The following NWD1 variants were observed in gnomAD, a reference collection of about 807,000 sequenced individuals.
NWD1 encodes NACHT and WD repeat domain containing 1, also known as NACHT domain- and WD repeat-containing protein 1.
In NWD1, 129 loss-of-function variants were observed where a neutral mutation model predicts 135.1. That is an observed-to-expected ratio of 0.96 (90% CI 0.83 to 1.11). NWD1 has a LOEUF of 1.11. Among genes scored for constraint, NWD1 ranks in the 50% least tolerant of loss-of-function variants. The probability of loss-of-function intolerance (pLI) is 0.00; values close to 1 mark genes in which losing one functional copy is unlikely to be tolerated. For missense variants in NWD1, 1,740 were observed against 1,851.3 expected, an observed-to-expected ratio of 0.94 and a Z score of 1.10; for synonymous variants, 773 against 786.0, an observed-to-expected ratio of 0.98 and a Z score of 0.28.
chr19:16,750,050 T>G lies in NWD1; in HGVS notation c.1408T>G (p.Ser470Ala), dbSNP rs1415552035. Residue 470 changes from serine to alanine, a missense_variant, in exon 6 of 19, where the codon TCG (serine) becomes GCG (alanine). Physicochemically the swap from Ser to Ala is moderately conservative, Grantham distance 99. Transcript: ENST00000524140. ...GGTGCACCTCATCCTCTCAGCTTGC[T>G]CGGGGGCACTGGGGGTTTTGGACAC... ...PRVHLILSAC[S>A]GALGVLDTLQ... 6.2e-7 allele frequency: 1 copy of G among 1,613,774 alleles called. No homozygotes were observed. Among genetic ancestry groups the G allele is most frequent in the Non-Finnish European group, 8.5e-7 (1 of 1,179,978 alleles).
intron 14 of NWD1, among the ~76,000 whole-genome samples, chr19:16,793,949 T>G (rs1970335573): frequency 1.3e-5 from 2 of 152,180 alleles, no homozygotes; most frequent in Admixed American, 1.3e-4. Flanking sequence ...TGCAATGCAG[T>G]GGCACAATCA....
chr19:16,724,682 C>A (rs2122663347), intron 2 of NWD1, among the ~76,000 whole-genome samples: 2 of 152,186 alleles, frequency 1.3e-5, no homozygotes, highest in African/African-American at 4.8e-5. Context: ...CAGTGAGACC[C>A]CATTTCTACA....
At chr19:16,741,535 A>C (rs988681727) in intron 4 of NWD1, among the ~76,000 whole-genome samples, 2 of 150,922 alleles carry the variant, frequency 1.3e-5, no homozygotes, top group Non-Finnish European at 1.5e-5. Context: ...CCGGCTAATT[A>C]TTTTTATATT....
At position 16,759,273 on chromosome 19, in the gene NWD1, C is replaced by T; in HGVS notation, c.1818C>T (p.Asp606=). Residue 606 remains aspartate, a synonymous_variant, in exon 7 of 19, where the codon GAC becomes GAT. Coordinates refer to ENST00000524140, the MANE Select transcript of NWD1 (RefSeq NM_001007525.5). The part of the protein sequence containing the change: ...AELKDVLSLD[D]EVLQDVYRDW... ...TGAAGGATGTTTTGTCCCTGGACGA[C>T]GAGGTCCTGCAGGATGTGTACCGAG... is the stretch of plus-strand genomic sequence containing the variant. 6.2e-7 allele frequency: 1 copy of T among 1,614,178 alleles called. No homozygotes were observed. Among genetic ancestry groups the T allele is most frequent in the African/African-American group, 1.3e-5 (1 of 75,056 alleles).
In NWD1 at chr19:16,765,058, G is replaced by A. The variant is rs368195388; in HGVS notation, c.2276G>A (p.Arg759Gln). The change falls in exon 10 of 19, where the codon CGG becomes CAG. Residue 759 changes from arginine to glutamine, a missense_variant. By Grantham distance (43) the Arg-to-Gln change is conservative. Transcript: ENST00000524140. Reference protein sequence around the residue: ...VLGSMSWISCRGISGGIEDLL... With the variant: ...VLGSMSWISCQGISGGIEDLL... ...GGCAGCATGAGCTGGATTTCCTGCC[G>A]GGGCATCTCTGGGGGCATTGAAGAC... 8.1e-6 allele frequency: 13 copies of A among 1,613,912 alleles called. No individual in the cohort carries two copies. Among genetic ancestry groups the A allele is most frequent in the East Asian group, 2.2e-5 (1 of 44,890 alleles).
At chr19:16,808,268 G>A in intron 18 of NWD1, 132 bp downstream of exon 18, 1 of 820,534 alleles carries the variant, frequency 1.2e-6, no homozygotes, top group Non-Finnish European at 1.9e-6. Context: ...TGAGGCACTT[G>A]GTCAGGCGCA....
Position 16,749,858 on chromosome 19 carries a change from G to C in NWD1, c.1216G>C (p.Val406Leu). ...AYGLPLPPAQ[V>L]LDAHTRVVQF... ...TGGGCTGCCCTTGCCCCCTGCCCAGGTTCTGGACGCCCACACCAGGGTGGT... is the reference window on the plus strand; with the variant it reads ...TGGGCTGCCCTTGCCCCCTGCCCAGCTTCTGGACGCCCACACCAGGGTGGT... The change falls in exon 6 of 19, where the codon GTT (valine) becomes CTT (leucine). Residue 406 changes from valine to leucine, a missense_variant. Physicochemically the swap from Val to Leu is conservative, Grantham distance 32. Coordinates refer to ENST00000524140, the MANE Select transcript of NWD1 (RefSeq NM_001007525.5). 2 of 1,613,180 alleles carry C rather than the reference G, an allele frequency of 1.2e-6. No individual in the cohort carries two copies. Among genetic ancestry groups the C allele is most frequent in the Non-Finnish European group, 1.7e-6 (2 of 1,179,834 alleles).
In NWD1 at chr19:16,779,473, T is replaced by G; in HGVS notation, c.2731+8T>G. 1 of 1,612,134 alleles carries G rather than the reference T, an allele frequency of 6.2e-7. No individual in the cohort carries two copies. Among genetic ancestry groups the G allele is most frequent in the Non-Finnish European group, 8.5e-7 (1 of 1,179,804 alleles). On this transcript the variant is annotated splice_region_variant and intron_variant, in intron 12 of 18. Coordinates refer to ENST00000524140, the MANE Select transcript of NWD1 (RefSeq NM_001007525.5). ...TGCTAACTGGACACACAGGTGAGAC[T>G]TGGGAAGTGGGCTTTGTGGTCAGCT...
intron 16 of NWD1, among the ~76,000 whole-genome samples, chr19:16,798,982 TA>T (rs1212280847): frequency 6.7e-6 from 1 of 149,718 alleles, no homozygotes; most frequent in Non-Finnish European, 1.5e-5. Flanking sequence ...CCAGACCCTC[TA>T]AAAAAGGTTT....
At chr19:16,758,801 A>T (rs1239129269) in intron 6 of NWD1, among the ~76,000 whole-genome samples, 1 of 151,992 alleles carries the variant, frequency 6.6e-6, no homozygotes, top group African/African-American at 2.4e-5. Flanking sequence ...CGAGGTCAGG[A>T]GTTGGAGACC....
At chr19:16,809,979 T>C (rs1221212948) in intron 18 of NWD1, among the ~76,000 whole-genome samples, 2 of 152,186 alleles carry the variant, frequency 1.3e-5, no homozygotes, top group African/African-American at 4.8e-5. Flanking sequence ...GGAGACTCTA[T>C]CCCATGTCTT....
chr19:16,813,981 G>C (rs1440526988), intron 18 of NWD1, among the ~76,000 whole-genome samples: 1 of 150,714 alleles, frequency 6.6e-6, no homozygotes, highest in Non-Finnish European at 1.5e-5. Context: ...GCGAGACTCT[G>C]TCTCTACAAA....
intron 12 of NWD1, among the ~76,000 whole-genome samples, chr19:16,788,176 G>A (rs2123037730): frequency 6.8e-6 from 1 of 147,246 alleles, no homozygotes; most frequent in African/African-American, 2.5e-5. Flanking sequence ...GTTGCAATAA[G>A]CCAGGGCCAC....
chr19:16,815,054 CATGCTGTGGTAA>C lies in NWD1; in HGVS notation c.*17_*28del, dbSNP rs778927554. 4 of 1,613,576 alleles carry C rather than the reference CATGCTGTGGTAA, an allele frequency of 2.5e-6. No individual in the cohort carries two copies. The South Asian group carries it at 4.4e-5, about 18-fold the overall frequency. ...CACCCTGCTGACAGTCCAGTTTGTC[CATGCTGTGGTAA>C]ACAGAATCATCCCAACCACCAGTGG... On this transcript the variant is annotated 3_prime_UTR_variant, in exon 19 of 19. Coordinates refer to ENST00000524140, the MANE Select transcript of NWD1 (RefSeq NM_001007525.5).
At chr19:16,727,021 A>G (rs2122675894) in intron 2 of NWD1, among the ~76,000 whole-genome samples, 1 of 147,800 alleles carries the variant, frequency 6.8e-6, no homozygotes, top group South Asian at 2.3e-4. Flanking sequence ...GAAGGGCAGA[A>G]TGGGGTGGGA....
rs138771230 is a variant in NWD1, at chr19:16,810,504, A to G, written c.4287+2368A>G. ...AAGTCTAGATTAGGCACAGCAACTC[A>G]TGCCTGTAATCCCAGCACTTTGGGA... On this transcript the variant is annotated intron_variant, in intron 18 of 18. Transcript: ENST00000524140. Among the ~76,000 whole-genome samples the G allele has an allele frequency of 7.2e-3, 1,095 of 151,476 alleles. 14 individuals are homozygous for G. The highest frequency in any genetic ancestry group is 8.1e-3 in the Non-Finnish European group (551 of 67,908).
Position 16,797,823 on chromosome 19 carries a change from G to T in NWD1, c.3396G>T (p.Glu1132Asp). 6.2e-7 allele frequency: 1 copy of T among 1,614,144 alleles called. No homozygotes were observed. Among genetic ancestry groups the T allele is most frequent in the Non-Finnish European group, 8.5e-7 (1 of 1,179,974 alleles). The change falls in exon 16 of 19, where the codon GAG (glutamate) becomes GAT (aspartate). Residue 1132 changes from glutamate to aspartate, a missense_variant. Coordinates refer to ENST00000524140, the MANE Select transcript of NWD1 (RefSeq NM_001007525.5). ...AMDLEHEDMV[E>D]TAVFGTENNL... ...ATCTGGAACATGAAGACATGGTGGAGACGGCTGTTTTTGGTACTGAGAACA... is the reference window on the plus strand; with the variant it reads ...ATCTGGAACATGAAGACATGGTGGATACGGCTGTTTTTGGTACTGAGAACA...
At position 16,726,036 on chromosome 19, in the gene NWD1, C is replaced by G. The variant is rs140055464; in HGVS notation, c.-7+1573C>G. Among the ~76,000 whole-genome samples, 865 of 151,746 alleles carry G rather than the reference C, an allele frequency of 5.7e-3. 11 individuals carry two copies. The highest frequency in any genetic ancestry group is 9.0e-3 in the Non-Finnish European group (611 of 67,974). Reference sequence around the variant, plus strand: ...GGAGTGCAGTGGCACGATCTTGGCTCACTGCAACCTCTGCCTCCCAGGTTC... The same window carrying G: ...GGAGTGCAGTGGCACGATCTTGGCTGACTGCAACCTCTGCCTCCCAGGTTC... On this transcript the variant is annotated intron_variant, in intron 2 of 18. Transcript: ENST00000524140.
At chr19:16,741,369 T>TTG (rs574942833) in intron 4 of NWD1, among the ~76,000 whole-genome samples, 17 of 56,416 alleles carry the variant, frequency 3.0e-4, no homozygotes, top group Admixed American at 6.0e-4. Flanking sequence ...TGTTTTTGTG[T>TTG]TTTTTTTTTT....
Sources: allele counts gnomAD v4.1 joint callset (sites outside exome capture counted in the v4.1 genomes callset), GRCh38; gene constraint gnomAD v4.1.1; transcripts MANE v1.5; gene names NCBI Gene and HGNC (gene_info 2026-07-23, HGNC 2026-07-21).